The following CBLB variants were observed in gnomAD, a reference collection of about 807,000 sequenced individuals.
CBLB encodes the protein Cbl proto-oncogene B, also known as E3 ubiquitin-protein ligase CBL-B.
Under a neutral mutation model 104.9 loss-of-function variants are expected in CBLB, and 31 were observed. The observed-to-expected ratio is 0.30, with a 90% CI of 0.22 to 0.40. The LOEUF is 0.40. Ranked by LOEUF, CBLB falls within the 10% of genes least tolerant of loss-of-function variation. The probability of loss-of-function intolerance (pLI) is 1.00; values close to 1 mark genes in which losing one functional copy is unlikely to be tolerated. For synonymous variants in CBLB, 440 were observed against 422.6 expected (o/e 1.04, Z -0.51); for missense variants, 1,062 against 1,214.6 (o/e 0.87, Z 1.87).
At chr3:105,739,074 A>C (rs2075267203) in intron 7 of CBLB, among the ~76,000 whole-genome samples, 1 of 151,884 alleles carries the variant, frequency 6.6e-6, no homozygotes, top group Non-Finnish European at 1.5e-5. Context: ...TGCCCAGCTA[A>C]TTTTTTTGCA....
chr3:105,763,980 G>T (rs2152936463), intron 4 of CBLB, among the ~76,000 whole-genome samples: 1 of 152,278 alleles, frequency 6.6e-6, no homozygotes, highest in African/African-American at 2.4e-5. Flanking sequence ...TACACTGTGG[G>T]TTTGATTCTG....
intron 3 of CBLB, among the ~76,000 whole-genome samples, chr3:105,804,827 G>C (rs2083311557): frequency 6.6e-6 from 1 of 151,904 alleles, no homozygotes; most frequent in South Asian, 2.1e-4. Flanking sequence ...AAGGATCCTT[G>C]AATTCATTTA....
chr3:105,765,422 A>T (rs1162467115), intron 4 of CBLB, among the ~76,000 whole-genome samples: 1 of 152,200 alleles, frequency 6.6e-6, no homozygotes, highest in South Asian at 2.1e-4. Context: ...GCCATCTGTA[A>T]ATTAGGAAGT....
intron 3 of CBLB, among the ~76,000 whole-genome samples, chr3:105,776,988 G>A (rs757191023): frequency 6.6e-6 from 1 of 152,178 alleles, no homozygotes; most frequent in Non-Finnish European, 1.5e-5. Flanking sequence ...CTGGAGAGGA[G>A]AGAAAGGGAG....
chr3:105,825,149 T>C (rs2153066266), intron 3 of CBLB, among the ~76,000 whole-genome samples: 1 of 152,322 alleles, frequency 6.6e-6, no homozygotes, highest in East Asian at 1.9e-4. Context: ...AAATCCTTTG[T>C]GTCTCAAACA....
In CBLB at chr3:105,753,894, T is replaced by C. The variant is rs542103790; in HGVS notation, c.567-2276A>G. On this transcript the variant is annotated intron_variant, in intron 4 of 18. Transcript: ENST00000394030. ...TTTAGTCTAATGTACCCCTTCATAA[T>C]AACAATTTACAAAAGGACAAGCTAC... Among the ~76,000 whole-genome samples, 47 of 152,300 alleles carry C rather than the reference T, an allele frequency of 3.1e-4. 1 individual carries two copies. The East Asian group carries it at 3.7e-3, about 12-fold the overall frequency.
chr3:105,805,866 A>G (rs141067686), intron 3 of CBLB, among the ~76,000 whole-genome samples: 166 of 152,058 alleles, frequency 1.1e-3, no homozygotes, highest in African/African-American at 3.6e-3. Flanking sequence ...ATATTCACGT[A>G]TCTCCACTGC....
At chr3:105,817,483 G>T (rs1376889343) in intron 3 of CBLB, among the ~76,000 whole-genome samples, 2 of 152,118 alleles carry the variant, frequency 1.3e-5, no homozygotes, top group Non-Finnish European at 1.5e-5. Context: ...CATTTAGGAG[G>T]ATGAGAACCC....
intron 2 of CBLB, among the ~76,000 whole-genome samples, chr3:105,865,068 T>C (rs575693058): frequency 6.6e-6 from 1 of 152,292 alleles, no homozygotes; most frequent in East Asian, 1.9e-4. Context: ...TTGCAGTTAT[T>C]TTTTTAAAAA....
intron 18 of CBLB, among the ~76,000 whole-genome samples, chr3:105,665,408 AATAAATAAATATATAT>A (rs1301213857): frequency 1.2e-4 from 6 of 51,564 alleles, no homozygotes; most frequent in African/African-American, 3.9e-4. Context: ...TAAATAAATA[AATAAATAAATATATAT>A]ATATATATAT....
In CBLB at chr3:105,737,353, T is replaced by C. The variant is rs2075063613; in HGVS notation, c.984-95A>G. On this transcript the variant is annotated intron_variant, in intron 7 of 18. Transcript: ENST00000394030. The stretch of plus-strand genomic sequence containing the variant: ...AATTTTTCTATATTCAAACATACAT[T>C]TGGATGTTTCCTTTTCATGTAACAT... The C allele has an allele frequency of 6.8e-6, 4 of 584,192 alleles. No individual in the cohort carries two copies. In the South Asian group the frequency reaches 7.0e-5, roughly 10 times the overall value. The allele number at this position is 584,192 out of a possible 1,614,324, so 36.2% of individuals were successfully genotyped here.
Position 105,825,336 on chromosome 3 carries a change from T to C in CBLB, c.419+28078A>G, listed in dbSNP as rs187676698. 9.0e-3 allele frequency among the ~76,000 whole-genome samples: 1,371 copies of C among 152,190 alleles called. 18 individuals are homozygous for C. The highest frequency in any genetic ancestry group is 0.02 in the Middle Eastern group (6 of 294). On this transcript the variant is annotated intron_variant, in intron 3 of 18. Coordinates refer to ENST00000394030, the MANE Select transcript of CBLB (RefSeq NM_170662.5). Reference sequence around the variant, plus strand: ...TCCAAATTCCCATCTCCTTGTTTCCTCCGACTCTCAGATAGTGAGAAAAAG... The same window carrying C: ...TCCAAATTCCCATCTCCTTGTTTCCCCCGACTCTCAGATAGTGAGAAAAAG...
intron 3 of CBLB, among the ~76,000 whole-genome samples, chr3:105,821,142 T>C (rs2085784556): frequency 6.6e-6 from 1 of 152,216 alleles, no homozygotes; most frequent in Non-Finnish European, 1.5e-5. Context: ...AATTGATCCA[T>C]GTACTTGTTC....
chr3:105,832,986 G>T (rs2087802750), intron 3 of CBLB, among the ~76,000 whole-genome samples: 1 of 152,166 alleles, frequency 6.6e-6, no homozygotes, highest in Admixed American at 6.5e-5. Context: ...TACGAAAGAT[G>T]TGTTAGGTAG....
At chr3:105,868,206 G>A (rs543814993) in intron 1 of CBLB, 2 of 1,232,352 alleles carry the variant, frequency 1.6e-6, no homozygotes, top group East Asian at 3.2e-5. Context: ...TTATTCCCAA[G>A]AACCAAATGA....
chr3:105,757,088 G>C (rs1162413208), intron 4 of CBLB, among the ~76,000 whole-genome samples: 1 of 152,108 alleles, frequency 6.6e-6, no homozygotes, highest in Non-Finnish European at 1.5e-5. Flanking sequence ...TGGAAGCCAA[G>C]CAGATGCTAA....
chr3:105,677,334 A>C (rs1481234826), intron 17 of CBLB, among the ~76,000 whole-genome samples: 3 of 150,420 alleles, frequency 2.0e-5, no homozygotes, highest in Non-Finnish European at 4.4e-5. Flanking sequence ...CAAACTTTCT[A>C]AACTATCAAA....
chr3:105,815,821 TAAAGAA>T, intron 3 of CBLB, among the ~76,000 whole-genome samples: 1 of 152,078 alleles, frequency 6.6e-6, no homozygotes, highest in Non-Finnish European at 1.5e-5. Context: ...TTAGACTAGA[TAAAGAA>T]AATGTGGCAC....
chr3:105,740,714 A>G (rs2075435750), intron 6 of CBLB, 83 bp from the exon 7 acceptor site: 4 of 1,226,412 alleles, frequency 3.3e-6, no homozygotes, highest in Admixed American at 1.8e-5. Flanking sequence ...CTTCCAAGCA[A>G]AAGAATAAAC....
Sources: allele counts gnomAD v4.1 joint callset (sites outside exome capture counted in the v4.1 genomes callset), GRCh38; gene constraint gnomAD v4.1.1; transcripts MANE v1.5; gene names NCBI Gene and HGNC (gene_info 2026-07-23, HGNC 2026-07-21).